Variants in ITGA2 observed in about 807,000 individuals in gnomAD.
ITGA2 encodes integrin subunit alpha 2.
In ITGA2, 101 loss-of-function variants were observed where a neutral mutation model predicts 146.3. That is an observed-to-expected ratio of 0.69 (90% CI 0.59 to 0.81). The LOEUF is 0.81. ITGA2 is among the 40% of genes least tolerant of loss of function. ITGA2 has a pLI of 0.00. For missense variants in ITGA2, 1,281 were observed against 1,402.7 expected, an observed-to-expected ratio of 0.91 and a Z score of 1.39; for synonymous variants, 477 against 487.1, an observed-to-expected ratio of 0.98 and a Z score of 0.27.
At chr5:53,031,543 T>C (rs1743223882) in intron 2 of ITGA2, among the ~76,000 whole-genome samples, 1 of 152,236 alleles carries the variant, frequency 6.6e-6, no homozygotes, top group South Asian at 2.1e-4. Context: ...TTTCTAAGAA[T>C]TTATGGGCAT....
At chr5:53,066,414 A>G (rs964999783) in intron 15 of ITGA2, among the ~76,000 whole-genome samples, 7 of 152,020 alleles carry the variant, frequency 4.6e-5, no homozygotes, top group African/African-American at 1.7e-4. Flanking sequence ...ACAATAAGCC[A>G]TTATTTAGGT....
At position 53,071,812 on chromosome 5, in the gene ITGA2, A is replaced by G. The variant is rs536746586; in HGVS notation, c.2236-126A>G. 26 of 728,182 alleles carry G rather than the reference A, an allele frequency of 3.6e-5. No homozygotes were observed. In the East Asian group the frequency reaches 5.1e-4, roughly 14 times the overall value. 45.1% of individuals were successfully genotyped at this position (728,182 alleles called of 1,614,324 possible). On this transcript the variant is annotated intron_variant, in intron 17 of 29. Coordinates refer to ENST00000296585, the MANE Select transcript of ITGA2 (RefSeq NM_002203.4). Reference sequence around the variant, plus strand: ...ATTATTCACAACAAAGATATTCTACATAATTGAGAGCTGACTGTGCTCTAA... The same window carrying G: ...ATTATTCACAACAAAGATATTCTACGTAATTGAGAGCTGACTGTGCTCTAA...
chr5:53,046,993 T>C (rs1293761325), intron 4 of ITGA2, among the ~76,000 whole-genome samples: 1 of 152,160 alleles, frequency 6.6e-6, no homozygotes, highest in African/African-American at 2.4e-5. Flanking sequence ...AATGGGGATA[T>C]AGAAACCAAT....
At chr5:53,034,270 A>G (rs1743378485) in intron 2 of ITGA2, among the ~76,000 whole-genome samples, 1 of 152,110 alleles carries the variant, frequency 6.6e-6, no homozygotes, top group South Asian at 2.1e-4. Context: ...CAATTAAGCC[A>G]TCCTCAGCAC....
intron 26 of ITGA2, 68 bp from the exon 27 acceptor site, chr5:53,083,272 A>G: frequency 9.9e-7 from 1 of 1,007,450 alleles, no homozygotes; most frequent in Non-Finnish European, 1.6e-6. Context: ...TAGCTTTAAA[A>G]TTTTAGCATT....
chr5:53,056,296 G>A (rs1744631361), intron 9 of ITGA2, 147 bp downstream of exon 9: 1 of 640,786 alleles, frequency 1.6e-6, no homozygotes. Context: ...TGAAAAACAT[G>A]AATAAATAGT....
At chr5:53,020,857 T>G (rs1011738568) in intron 1 of ITGA2, among the ~76,000 whole-genome samples, 4 of 149,936 alleles carry the variant, frequency 2.7e-5, no homozygotes, top group Non-Finnish European at 6.0e-5. Flanking sequence ...AATTTTTTTT[T>G]TTTTTTTTTG....
At chr5:53,085,093 A>T (rs3212627) in intron 27 of ITGA2, among the ~76,000 whole-genome samples, 25,138 of 152,226 alleles carry the variant, frequency 0.17, 2,141 homozygotes, top group South Asian at 0.19. Context: ...TCAAATGTTT[A>T]TCCTCACCTT....
intron 13 of ITGA2, among the ~76,000 whole-genome samples, chr5:53,063,840 C>T (rs1356867557): frequency 6.6e-6 from 1 of 151,744 alleles, no homozygotes. Context: ...GACAAATCCC[C>T]CCTTCTTTAA....
chr5:53,072,036 C>G lies in ITGA2; in HGVS notation c.2334C>G (p.Ala778=). Residue 778 remains alanine (A), a synonymous_variant, in exon 18 of 30, where the codon GCC becomes GCG. Transcript: ENST00000296585. ...SPALEAYSET[A]KVFSIPFHKD... ...CCCTTGAAGCCTATTCTGAGACTGC[C>G]AAGGTCTTCAGTGTAAGTGCAGCTT... 6.2e-7 allele frequency: 1 copy of G among 1,609,734 alleles called. No individual in the cohort carries two copies. Among genetic ancestry groups the G allele is most frequent in the East Asian group, 2.2e-5 (1 of 44,744 alleles).
intron 7 of ITGA2, among the ~76,000 whole-genome samples, chr5:53,054,744 A>G (rs543704670): frequency 6.6e-6 from 1 of 152,266 alleles, no homozygotes; most frequent in Non-Finnish European, 1.5e-5. Flanking sequence ...TTTGATGCAA[A>G]GGCATAAGAA....
intron 2 of ITGA2, among the ~76,000 whole-genome samples, chr5:53,035,195 A>C (rs12657501): frequency 0.28 from 42,238 of 152,134 alleles, 5,935 homozygotes; most frequent in Admixed American, 0.32. Context: ...ATGGTCTTAA[A>C]ATTATCCCCC....
intron 19 of ITGA2, 110 bp downstream of exon 19, chr5:53,072,805 C>T: frequency 4.3e-6 from 4 of 931,968 alleles, no homozygotes; most frequent in Non-Finnish European, 6.6e-6. Flanking sequence ...ACATTCATAA[C>T]TCATAAATAC....
chr5:53,045,083 A>T lies in ITGA2; in HGVS notation c.378A>T (p.Gly126=). The change falls in exon 4 of 30, where the codon GGA becomes GGT. Residue 126 remains glycine (G), a synonymous_variant. Transcript: ENST00000296585. ...TCCTCACCAGGAACATGGGAACTGG[A>T]GGTTTTCTCGTGAGTGTTTACTTTA... ...GLILTRNMGT[G]GFLTCGPLWA... 1.9e-6 allele frequency: 3 copies of T among 1,612,648 alleles called. No individual in the cohort carries two copies. The highest frequency in any genetic ancestry group is 2.5e-6 in the Non-Finnish European group (3 of 1,178,676).
rs1041754434 is a variant in ITGA2 at position 53,094,269 on chromosome 5, A to C, written c.*3670A>C. The C allele has an allele frequency of 2.6e-5, 4 of 152,160 alleles. No homozygotes were observed. The highest frequency in any genetic ancestry group is 7.2e-5 in the African/African-American group (3 of 41,462). 9.4% of individuals were successfully genotyped at this position (152,160 alleles called of 1,614,324 possible). ...AGGTTAATTTAAACCTCTAGAGGTG[A>C]ATGAGAAACATGGGGGAAAAGTATG... On this transcript the variant is annotated 3_prime_UTR_variant, in exon 30 of 30. Coordinates refer to ENST00000296585, the MANE Select transcript of ITGA2 (RefSeq NM_002203.4).
chr5:53,004,360 G>A (rs1322237987), intron 1 of ITGA2, among the ~76,000 whole-genome samples: 1 of 152,124 alleles, frequency 6.6e-6, no homozygotes, highest in Non-Finnish European at 1.5e-5. Context: ...TCATTGGGAA[G>A]ATCGAAGGGG....
chr5:53,056,864 A>G (rs932038702), intron 9 of ITGA2, among the ~76,000 whole-genome samples: 1 of 151,740 alleles, frequency 6.6e-6, no homozygotes. Context: ...CTAGTTCTTG[A>G]TGGTTAACCC....
At chr5:53,012,429 T>G (rs1030168655) in intron 1 of ITGA2, among the ~76,000 whole-genome samples, 1 of 152,148 alleles carries the variant, frequency 6.6e-6, no homozygotes, top group Admixed American at 6.6e-5. Context: ...AAGAAATGAT[T>G]CTGTCTTAAG....
At chr5:53,016,676 A>G (rs1742415687) in intron 1 of ITGA2, among the ~76,000 whole-genome samples, 1 of 152,302 alleles carries the variant, frequency 6.6e-6, no homozygotes, top group Middle Eastern at 3.4e-3. Flanking sequence ...ATCCTCAAAT[A>G]TGTTTTCCAA....
Sources: gnomAD v4.1 joint callset for allele counts (sites outside exome capture counted in the v4.1 genomes callset) on GRCh38, gnomAD v4.1.1 for gene constraint, MANE v1.5 for transcripts, NCBI Gene and HGNC (gene_info 2026-07-23, HGNC 2026-07-21) for gene names.